The following CBR4 variants were observed in gnomAD, a reference collection of about 807,000 sequenced individuals.
CBR4 encodes carbonyl reductase 4, also known as 3-oxoacyl-[acyl-carrier-protein] reductase.
CBR4 carries 22 observed loss-of-function variants against 21.0 expected under a neutral mutation model. The ratio of observed to expected loss-of-function variants is 1.05; its 90% CI spans 0.75 to 1.50. The LOEUF (loss-of-function observed/expected upper bound fraction) is 1.50, where lower values mean the gene tolerates loss of function less well. CBR4 is among the 40% of genes most tolerant of loss of function. The pLI is 0.00. For missense variants in CBR4, 302 were observed against 286.3 expected, an observed-to-expected ratio of 1.05 and a Z score of -0.40; for synonymous variants, 100 against 104.4, an observed-to-expected ratio of 0.96 and a Z score of 0.26.
At chr4:168,921,510 A>G (rs1396575661) in intron 2 of CBR4, 1 of 1,495,762 alleles carries the variant, frequency 6.7e-7, no homozygotes, top group Admixed American at 1.9e-5. Flanking sequence ...ACAAAAATTT[A>G]CATGTATTTC....
chr4:168,907,205 A>C (rs937514859), intron 2 of CBR4, among the ~76,000 whole-genome samples: 1 of 152,202 alleles, frequency 6.6e-6, no homozygotes, highest in Non-Finnish European at 1.5e-5. Context: ...GCTTTCAATA[A>C]ATGCTAGTTA....
chr4:168,940,399 A>C (rs1232765391), intron 2 of CBR4, among the ~76,000 whole-genome samples: 1 of 152,246 alleles, frequency 6.6e-6, no homozygotes, highest in Non-Finnish European at 1.5e-5. Flanking sequence ...TCATTACTAA[A>C]ATACCAAAAG....
At chr4:168,962,980 C>T (rs1763907710) in intron 2 of CBR4, among the ~76,000 whole-genome samples, 1 of 152,056 alleles carries the variant, frequency 6.6e-6, no homozygotes, top group Non-Finnish European at 1.5e-5. Flanking sequence ...GTATTTCAAA[C>T]ACTTATACTT....
intron 2 of CBR4, among the ~76,000 whole-genome samples, chr4:168,922,856 G>A (rs1393348664): frequency 6.6e-6 from 1 of 152,186 alleles, no homozygotes; most frequent in Non-Finnish European, 1.5e-5. Context: ...TGGCACTCCT[G>A]TCAGAAGACG....
Position 168,894,606 on chromosome 4 carries a change from C to G in CBR4, n.329G>C. The G allele has an allele frequency of 6.2e-7, 1 of 1,613,226 alleles. No individual in the cohort carries two copies. The highest frequency in any genetic ancestry group is 1.1e-5 in the South Asian group (1 of 91,022). ...GTTAACATACGAAGAAAGAATGGCTCGTCGACTGCTAGGTGCTGACAGTGC... is the reference window on the plus strand; with the variant it reads ...GTTAACATACGAAGAAAGAATGGCTGGTCGACTGCTAGGTGCTGACAGTGC... On this transcript the variant is annotated non_coding_transcript_exon_variant, in exon 3 of 4. Coordinates refer to the CBR4 transcript ENST00000509108.
rs1365893926 is a variant in CBR4 at position 168,973,269 on chromosome 4, A to G, written n.169+28802T>C. 2.6e-5 allele frequency among the ~76,000 whole-genome samples: 4 copies of G among 152,302 alleles called. No individual in the cohort carries two copies. The Middle Eastern group carries it at 0.01, about 389-fold the overall frequency. ...TGTTATGTTCCTTCCTAGTTTTGGT[A>G]TATGGGTAATACTGGCTTCATAGAA... is the stretch of plus-strand genomic sequence containing the variant. On this transcript the variant is annotated intron_variant and non_coding_transcript_variant, in intron 2 of 3. Transcript: ENST00000509108.
intron 2 of CBR4, among the ~76,000 whole-genome samples, chr4:168,973,632 T>C (rs1356313192): frequency 6.6e-6 from 1 of 152,228 alleles, no homozygotes; most frequent in African/African-American, 2.4e-5. Flanking sequence ...CCAGCCCCAA[T>C]TCTTCTTTGA....
At chr4:168,992,697 T>C (rs995563510) in intron 4 of CBR4, among the ~76,000 whole-genome samples, 1 of 152,164 alleles carries the variant, frequency 6.6e-6, no homozygotes, top group Non-Finnish European at 1.5e-5. Flanking sequence ...TGATTATCAT[T>C]AGATACTAGA....
downstream of CBR4, among the ~76,000 whole-genome samples, chr4:168,984,689 G>C (rs1230749676): frequency 6.6e-6 from 1 of 152,158 alleles, no homozygotes; most frequent in Non-Finnish European, 1.5e-5. Flanking sequence ...AACTAAAACA[G>C]CATTGTACTG....
Position 168,913,990 on chromosome 4 carries a change from C to G in CBR4, n.170-19225G>C, listed in dbSNP as rs772889018. The G allele has an allele frequency of 1.9e-6, 3 of 1,610,310 alleles. No individual in the cohort carries two copies. Among genetic ancestry groups the G allele is most frequent in the South Asian group, 1.1e-5 (1 of 91,006 alleles). ...TGTCAACCAAAGAGGTCGAAGTCCCCGGTCTCCCTCAGGCCATCCTCATGT... is the reference window on the plus strand; with the variant it reads ...TGTCAACCAAAGAGGTCGAAGTCCCGGGTCTCCCTCAGGCCATCCTCATGT... On this transcript the variant is annotated intron_variant and non_coding_transcript_variant, in intron 2 of 3. Coordinates refer to the CBR4 transcript ENST00000509108.
intron 2 of CBR4, among the ~76,000 whole-genome samples, chr4:168,966,574 T>C (rs1196871382): frequency 6.6e-6 from 1 of 151,110 alleles, no homozygotes; most frequent in Non-Finnish European, 1.5e-5. Context: ...CTGGAGAGGA[T>C]GTGGAAAAAT....
chr4:168,962,256 T>C (rs1004689322), intron 2 of CBR4, among the ~76,000 whole-genome samples: 6 of 152,052 alleles, frequency 3.9e-5, no homozygotes, highest in Non-Finnish European at 8.8e-5. Context: ...TTATGGAAAA[T>C]ACACAACCAT....
chr4:169,003,252 A>G (rs1365971814), intron 3 of CBR4, among the ~76,000 whole-genome samples: 1 of 152,252 alleles, frequency 6.6e-6, no homozygotes, highest in Non-Finnish European at 1.5e-5. Flanking sequence ...TTTGTGATTC[A>G]TGGCAGGTCA....
At chr4:168,928,176 T>C (rs1440501686) in intron 2 of CBR4, 2 of 188,034 alleles carry the variant, frequency 1.1e-5, no homozygotes, top group South Asian at 2.0e-4. Flanking sequence ...GAATTTAAGA[T>C]ACCATACACA....
At chr4:168,932,031 A>T (rs553139226) in intron 2 of CBR4, among the ~76,000 whole-genome samples, 1 of 152,304 alleles carries the variant, frequency 6.6e-6, no homozygotes, top group African/African-American at 2.4e-5. Flanking sequence ...CATATCAAAC[A>T]TGAAAAAACA....
chr4:168,961,746 T>C (rs1210742622), intron 2 of CBR4, among the ~76,000 whole-genome samples: 1 of 152,064 alleles, frequency 6.6e-6, no homozygotes, highest in Non-Finnish European at 1.5e-5. Context: ...AAAAATTAGC[T>C]GGCCATGGCG....
chr4:168,933,421 A>G (rs949431309), intron 2 of CBR4, among the ~76,000 whole-genome samples: 1 of 152,174 alleles, frequency 6.6e-6, no homozygotes, highest in Admixed American at 6.5e-5. Flanking sequence ...ACAAAGAAGG[A>G]CATTATATAA....
chr4:168,969,734 A>G (rs1031235804), intron 2 of CBR4, among the ~76,000 whole-genome samples: 1 of 152,206 alleles, frequency 6.6e-6, no homozygotes. Context: ...GATCCCGCTG[A>G]TCTACATACT....
rs1673369960 is a variant in CBR4 at position 168,949,493 on chromosome 4, G to A, written n.169+52578C>T. Among the ~76,000 whole-genome samples, 4 of 152,276 alleles carry A rather than the reference G, an allele frequency of 2.6e-5. No homozygotes were observed. In the South Asian group the frequency reaches 8.3e-4, roughly 32 times the overall value. On this transcript the variant is annotated intron_variant and non_coding_transcript_variant, in intron 2 of 3. Coordinates refer to the CBR4 transcript ENST00000509108. ...CTTTTCCCTACTCAGTATTATGTTG[G>A]CTGTGGGTTTGTCACAGATGGCTTT... is the stretch of plus-strand genomic sequence containing the variant.
Sources: allele counts gnomAD v4.1 joint callset (sites outside exome capture counted in the v4.1 genomes callset), GRCh38; gene constraint gnomAD v4.1.1; transcripts MANE v1.5; gene names NCBI Gene and HGNC (gene_info 2026-07-23, HGNC 2026-07-21).